The following IGSF11 variants were observed in gnomAD, a reference collection of about 807,000 sequenced individuals.
The protein encoded by IGSF11 is immunoglobulin superfamily member 11.
Under a neutral mutation model 41.0 loss-of-function variants are expected in IGSF11, and 22 were observed. The ratio of observed to expected loss-of-function variants is 0.54; its 90% CI spans 0.38 to 0.77. IGSF11 has a LOEUF of 0.77. Among genes scored for constraint, IGSF11 ranks in the 30% least tolerant of loss-of-function variants. The pLI is 0.00. For missense variants in IGSF11, 444 were observed against 530.8 expected (o/e 0.84, Z 1.61); for synonymous variants, 219 against 201.3 (o/e 1.09, Z -0.74).
At chr3:118,935,778 AG>A (rs1943227767) in intron 1 of IGSF11, among the ~76,000 whole-genome samples, 1 of 152,100 alleles carries the variant, frequency 6.6e-6, no homozygotes, top group Non-Finnish European at 1.5e-5. Context: ...AGACTCCTAG[AG>A]GGTATCTCAC....
chr3:119,134,566 G>T (rs2077531366), intron 1 of IGSF11, among the ~76,000 whole-genome samples: 1 of 152,044 alleles, frequency 6.6e-6, no homozygotes, highest in South Asian at 2.1e-4. Context: ...AATAAAAGAG[G>T]ACACAAACAA....
chr3:119,035,904 C>T (rs1304832675), upstream of IGSF11, among the ~76,000 whole-genome samples: 2 of 152,036 alleles, frequency 1.3e-5, no homozygotes, highest in Non-Finnish European at 2.9e-5. Context: ...GAAATTGAGC[C>T]CTCATCTGGC....
At chr3:119,096,678 A>G (rs775271567) in intron 1 of IGSF11, among the ~76,000 whole-genome samples, 22 of 152,234 alleles carry the variant, frequency 1.4e-4, no homozygotes, top group Non-Finnish European at 2.8e-4. Flanking sequence ...CCAGTGGCAC[A>G]GTGGGAAAAG....
At chr3:118,920,082 G>A (rs1391215727) in intron 4 of IGSF11, among the ~76,000 whole-genome samples, 1 of 135,354 alleles carries the variant, frequency 7.4e-6, no homozygotes, top group African/African-American at 2.8e-5. Context: ...GACACATGAA[G>A]GGGAATACCA....
At chr3:118,930,012 C>A in intron 2 of IGSF11, 100 bp downstream of exon 2, 2 of 1,224,506 alleles carry the variant, frequency 1.6e-6, no homozygotes, top group South Asian at 1.5e-5. Context: ...GACAATGCCA[C>A]CTTATTCTCG....
At chr3:119,007,863 G>T (rs770723579) in intron 1 of IGSF11, among the ~76,000 whole-genome samples, 7 of 152,028 alleles carry the variant, frequency 4.6e-5, no homozygotes, top group Non-Finnish European at 8.8e-5. Context: ...CCTTTTTCTA[G>T]TCAAGCTGCC....
chr3:119,022,706 A>C (rs1232130065), intron 1 of IGSF11, among the ~76,000 whole-genome samples: 1 of 152,200 alleles, frequency 6.6e-6, no homozygotes, highest in Non-Finnish European at 1.5e-5. Context: ...CACCTATCAG[A>C]ATGGCTGAAG....
Position 118,964,898 on chromosome 3 carries a change from T to C in IGSF11, c.53-34623A>G, listed in dbSNP as rs943582103. On this transcript the variant is annotated intron_variant, in intron 1 of 6. Coordinates refer to ENST00000393775, the MANE Select transcript of IGSF11 (RefSeq NM_001015887.3). ...GTTGATATGGTTCAGACTGGAAATA[T>C]ACTGTCCCTTGACTTTTTTCCTAAC... Among the ~76,000 whole-genome samples the C allele has an allele frequency of 1.8e-4, 27 of 152,322 alleles. 1 individual carries two copies. In the South Asian group the frequency reaches 1.9e-3, roughly 11 times the overall value.
At chr3:119,016,843 T>G (rs1469812249) in intron 1 of IGSF11, among the ~76,000 whole-genome samples, 1 of 152,172 alleles carries the variant, frequency 6.6e-6, no homozygotes, top group Non-Finnish European at 1.5e-5. Context: ...TCACTTATAG[T>G]TCCTACCTGT....
At chr3:119,031,297 G>A (rs1379450289) in intron 1 of IGSF11, among the ~76,000 whole-genome samples, 1 of 151,212 alleles carries the variant, frequency 6.6e-6, no homozygotes, top group African/African-American at 2.4e-5. Flanking sequence ...AAGTAGTTAT[G>A]GATGAAAAGT....
Position 118,927,986 on chromosome 3 carries a change from T to G in IGSF11, c.424+523A>C, listed in dbSNP as rs531900799. Among the ~76,000 whole-genome samples, 2 of 152,264 alleles carry G rather than the reference T, an allele frequency of 1.3e-5. 1 individual carries two copies. The highest frequency in any genetic ancestry group is 4.1e-4 in the South Asian group (2 of 4,822). ...AACCTAAATCTATTTGGTCTCAGTATTAAGGTGATAATATGATTTATTCTT... is the reference window on the plus strand; with the variant it reads ...AACCTAAATCTATTTGGTCTCAGTAGTAAGGTGATAATATGATTTATTCTT... On this transcript the variant is annotated intron_variant, in intron 3 of 6. Transcript: ENST00000393775.
chr3:118,956,012 C>T (rs1380720950), intron 1 of IGSF11, among the ~76,000 whole-genome samples: 1 of 152,236 alleles, frequency 6.6e-6, no homozygotes, highest in East Asian at 1.9e-4. Context: ...TAACTTGCTG[C>T]AGCTTCTAAA....
At position 119,011,474 on chromosome 3, in the gene IGSF11, G is replaced by A. The variant is rs539567113; in HGVS notation, c.52+23057C>T. On this transcript the variant is annotated intron_variant, in intron 1 of 6. Coordinates refer to ENST00000393775, the MANE Select transcript of IGSF11 (RefSeq NM_001015887.3). ...TCTGTGAGAAGAGCCACCACCTACT[G>A]TGGCCACAGCATGTGGAGGCTGAAA... is the stretch of plus-strand genomic sequence containing the variant. Among the ~76,000 whole-genome samples, 5 of 152,250 alleles carry A rather than the reference G, an allele frequency of 3.3e-5. No individual in the cohort carries two copies. In the South Asian group the frequency reaches 1.0e-3, roughly 32 times the overall value.
intron 1 of IGSF11, among the ~76,000 whole-genome samples, chr3:118,944,213 C>T (rs1943938269): frequency 6.6e-6 from 1 of 152,068 alleles, no homozygotes; most frequent in Admixed American, 6.6e-5. Context: ...GTTTGGTTAT[C>T]CTTTTAGAAG....
chr3:119,117,496 A>C (rs780850222), intron 1 of IGSF11, among the ~76,000 whole-genome samples: 13 of 152,156 alleles, frequency 8.5e-5, no homozygotes, highest in Admixed American at 2.6e-4. Flanking sequence ...AGCACAGGAA[A>C]GACCTGCCCC....
chr3:119,136,046 C>T (rs2077556889), intron 1 of IGSF11, among the ~76,000 whole-genome samples: 1 of 152,134 alleles, frequency 6.6e-6, no homozygotes. Flanking sequence ...GGGAACATCA[C>T]ACACCAGCAC....
chr3:119,102,691 T>C (rs1239935267), intron 1 of IGSF11, among the ~76,000 whole-genome samples: 1 of 152,212 alleles, frequency 6.6e-6, no homozygotes, highest in East Asian at 1.9e-4. Context: ...TTTTTGTCCC[T>C]AATACTTCTA....
At chr3:118,905,141 A>G (rs1011270987) in intron 5 of IGSF11, among the ~76,000 whole-genome samples, 22 of 152,168 alleles carry the variant, frequency 1.4e-4, no homozygotes, top group Non-Finnish European at 3.1e-4. Flanking sequence ...ATATCCTTCT[A>G]CCTCAACCCA....
At chr3:119,095,434 T>C (rs1182760709) in intron 1 of IGSF11, among the ~76,000 whole-genome samples, 1 of 152,200 alleles carries the variant, frequency 6.6e-6, no homozygotes, top group Non-Finnish European at 1.5e-5. Context: ...AAAATCCACA[T>C]TCACTCTTCA....
Sources: gnomAD v4.1 joint callset for allele counts (sites outside exome capture counted in the v4.1 genomes callset) on GRCh38, gnomAD v4.1.1 for gene constraint, MANE v1.5 for transcripts, NCBI Gene and HGNC (gene_info 2026-07-23, HGNC 2026-07-21) for gene names.